The following ANTXRL variants were observed in gnomAD, a reference collection of about 807,000 sequenced individuals.
ANTXRL encodes ANTXR like.
In ANTXRL, 63 loss-of-function variants were observed where a neutral mutation model predicts 75.4. The observed-to-expected ratio is 0.84, with a 90% confidence interval of 0.68 to 1.03. ANTXRL has a LOEUF of 1.03. Among genes scored for constraint, ANTXRL ranks in the 50% least tolerant of loss-of-function variants. ANTXRL has a pLI of 0.00. For synonymous variants in ANTXRL, 335 were observed against 291.3 expected (o/e 1.15, Z -1.53); for missense variants, 797 against 789.4 (o/e 1.01, Z -0.12).
intron 16 of ANTXRL, among the ~76,000 whole-genome samples, chr10:46,318,540 A>G (rs1838841883): frequency 6.6e-6 from 1 of 152,170 alleles, no homozygotes; most frequent in Non-Finnish European, 1.5e-5. Flanking sequence ...TCATTAAGAA[A>G]TTTTTAATAC....
rs1837009120 is a variant in ANTXRL at position 46,291,990 on chromosome 10, G to A, written c.249-68G>A. 11 of 1,433,716 alleles carry A rather than the reference G, an allele frequency of 7.7e-6. No homozygotes were observed. In the South Asian group the frequency reaches 1.1e-4, roughly 14 times the overall value. The allele number at this position is 1,433,716 out of a possible 1,614,324, so 88.8% of individuals were successfully genotyped here. Reference sequence around the variant, plus strand: ...TTAAGAGCCTGCTGGGAGGCTGGGGGCGGGGCAGACACTTGCCCATCGGAG... The same window carrying A: ...TTAAGAGCCTGCTGGGAGGCTGGGGACGGGGCAGACACTTGCCCATCGGAG... On this transcript the variant is annotated intron_variant, in intron 1 of 16. Coordinates refer to ENST00000620264, the MANE Select transcript of ANTXRL (RefSeq NM_001278688.3).
chr10:46,294,543 G>A (rs1837250926), intron 3 of ANTXRL, among the ~76,000 whole-genome samples: 1 of 152,160 alleles, frequency 6.6e-6, no homozygotes, highest in African/African-American at 2.4e-5. Flanking sequence ...ACTGGGCCCA[G>A]AGGAGATGAA....
chr10:46,320,376 A>G (rs1386941222), intron 16 of ANTXRL, among the ~76,000 whole-genome samples: 1 of 152,136 alleles, frequency 6.6e-6, no homozygotes, highest in Non-Finnish European at 1.5e-5. Flanking sequence ...CTGACCCAAT[A>G]TAGGCCCTTA....
At chr10:46,321,295 G>A (rs948045732) in intron 16 of ANTXRL, among the ~76,000 whole-genome samples, 2 of 152,150 alleles carry the variant, frequency 1.3e-5, no homozygotes, top group African/African-American at 4.8e-5. Flanking sequence ...GAGATGAGGG[G>A]AAAAGACAAA....
At chr10:46,314,000 C>G (rs782229305) in intron 16 of ANTXRL, among the ~76,000 whole-genome samples, 2 of 152,196 alleles carry the variant, frequency 1.3e-5, no homozygotes, top group African/African-American at 2.4e-5. Flanking sequence ...GCTTCTGGCT[C>G]GGCCTGGGAC....
At chr10:46,297,781 T>A (rs1239029582) in intron 7 of ANTXRL, 50 bp from the exon 8 acceptor site, 21 of 1,479,462 alleles carry the variant, frequency 1.4e-5, no homozygotes, top group African/African-American at 2.8e-5. Context: ...GGGGGTCTGC[T>A]GCATCCTCAC....
intron 15 of ANTXRL, among the ~76,000 whole-genome samples, chr10:46,312,959 G>T (rs1347098036): frequency 6.6e-6 from 1 of 152,178 alleles, no homozygotes; most frequent in Non-Finnish European, 1.5e-5. Context: ...CAGAACCACA[G>T]GCTCCTCCTG....
chr10:46,286,984 C>A (rs1197813989), upstream of ANTXRL: 2 of 510,416 alleles, frequency 3.9e-6, no homozygotes, highest in Non-Finnish European at 7.0e-6. Context: ...ACCATGTCAA[C>A]CTTCCTGTCA....
At position 46,308,595 on chromosome 10, in the gene ANTXRL, C is replaced by T. The variant is rs543851735; in HGVS notation, c.1045-518C>T. On this transcript the variant is annotated intron_variant, in intron 12 of 16. Transcript: ENST00000620264. Reference sequence around the variant, plus strand: ...GCTTATACCCCATGTGGCCCTGGTTCTGAGCCAGGACTTGGAGCTCTCTAA... The same window carrying T: ...GCTTATACCCCATGTGGCCCTGGTTTTGAGCCAGGACTTGGAGCTCTCTAA... 8.3e-4 allele frequency: 313 copies of T among 377,724 alleles called. 5 individuals carry two copies. The highest frequency in any genetic ancestry group is 3.6e-3 in the South Asian group (180 of 50,630). 23.4% of individuals were successfully genotyped at this position (377,724 alleles called of 1,614,324 possible). A position where few individuals can be genotyped will look rare whatever the true frequency, so the allele number is the denominator to read the frequency against.
chr10:46,317,186 C>T (rs1838774519), intron 16 of ANTXRL, among the ~76,000 whole-genome samples: 1 of 152,022 alleles, frequency 6.6e-6, no homozygotes, highest in African/African-American at 2.4e-5. Flanking sequence ...TTGATGATGC[C>T]TTCATGACTA....
At chr10:46,290,371 T>C (rs781830533) in intron 1 of ANTXRL, among the ~76,000 whole-genome samples, 2 of 152,184 alleles carry the variant, frequency 1.3e-5, no homozygotes, top group Non-Finnish European at 2.9e-5. Flanking sequence ...TGATGGACAC[T>C]TGGGTTGCTT....
intron 1 of ANTXRL, among the ~76,000 whole-genome samples, chr10:46,290,688 T>C (rs537879580): frequency 6.6e-6 from 1 of 152,318 alleles, no homozygotes; most frequent in Non-Finnish European, 1.5e-5. Flanking sequence ...ACTAGTGATG[T>C]GGAGCATCTT....
intron 16 of ANTXRL, among the ~76,000 whole-genome samples, chr10:46,318,243 G>A (rs1268512732): frequency 6.6e-6 from 1 of 151,750 alleles, no homozygotes; most frequent in East Asian, 1.9e-4. Flanking sequence ...CAAAGGAGGT[G>A]GAAATAAACA....
rs1554955408 is a variant in ANTXRL at position 46,287,203 on chromosome 10, C to T, written c.-60C>T. 2.6e-6 allele frequency: 4 copies of T among 1,515,266 alleles called. No individual in the cohort carries two copies. Among genetic ancestry groups the T allele is most frequent in the African/African-American group, 1.4e-5 (1 of 72,264 alleles). 93.9% of individuals were successfully genotyped at this position (1,515,266 alleles called of 1,614,324 possible). A position where few individuals can be genotyped will look rare whatever the true frequency, so the allele number is the denominator to read the frequency against. Reference sequence around the variant, plus strand: ...GGCAAAGAAGGGGCCTGTGCTCAGCCTCTCTGGGCCCTGGCACAGGCACCC... The same window carrying T: ...GGCAAAGAAGGGGCCTGTGCTCAGCTTCTCTGGGCCCTGGCACAGGCACCC... On this transcript the variant is annotated 5_prime_UTR_variant, in exon 1 of 17. Coordinates refer to ENST00000620264, the MANE Select transcript of ANTXRL (RefSeq NM_001278688.3).
chr10:46,303,501 C>G (rs1588827415), intron 10 of ANTXRL, among the ~76,000 whole-genome samples: 1 of 152,216 alleles, frequency 6.6e-6, no homozygotes, highest in South Asian at 2.1e-4. Context: ...TTCAGCATCC[C>G]AAACCGCAAA....
chr10:46,311,534 T>TCAC lies in ANTXRL; in HGVS notation c.1209_1211dup (p.Pro411dup). On this transcript the variant is annotated inframe_insertion, in exon 15 of 17. Coordinates refer to ENST00000620264, the MANE Select transcript of ANTXRL (RefSeq NM_001278688.3). ...GGAGCCAGAGCAGGAAAAACCACCA[T>TCAC]CACCACCACCACCGCCTCCGCCTCC... is the stretch of plus-strand genomic sequence containing the variant. The TCAC allele has an allele frequency of 6.5e-7, 1 of 1,533,716 alleles. No individual in the cohort carries two copies.
intron 13 of ANTXRL, among the ~76,000 whole-genome samples, chr10:46,309,673 G>T (rs191602386): frequency 6.6e-6 from 1 of 152,098 alleles, no homozygotes; most frequent in East Asian, 1.9e-4. Flanking sequence ...TGTGGATCTC[G>T]GCACATGTCT....
At chr10:46,308,412 CCCCT>C in intron 12 of ANTXRL, 1 of 325,038 alleles carries the variant, frequency 3.1e-6, no homozygotes, top group South Asian at 2.3e-5. Context: ...TCCCTCCCCT[CCCCT>C]CCCCTCCCCT....
intron 16 of ANTXRL, among the ~76,000 whole-genome samples, chr10:46,325,844 C>T (rs567616991): frequency 6.6e-6 from 1 of 152,018 alleles, no homozygotes; most frequent in Non-Finnish European, 1.5e-5. Flanking sequence ...CTTTAATATC[C>T]TCCTCAGGTC....
Sources: gnomAD v4.1 joint callset for allele counts (sites outside exome capture counted in the v4.1 genomes callset) on GRCh38, gnomAD v4.1.1 for gene constraint, MANE v1.5 for transcripts, NCBI Gene and HGNC (gene_info 2026-07-23, HGNC 2026-07-21) for gene names.